The following GREM2 variants were observed in gnomAD, a reference collection of about 807,000 sequenced individuals.
GREM2 encodes the protein gremlin-2.
In GREM2, 11 loss-of-function variants were observed where a neutral mutation model predicts 14.2. That is an observed-to-expected ratio of 0.78 (90% CI 0.49 to 1.28). The LOEUF is 1.28. GREM2 is among the 50% of genes most tolerant of loss of function. GREM2 has a pLI of 0.00. For synonymous variants in GREM2, 98 were observed against 97.6 expected (o/e 1.00, Z -0.02); for missense variants, 210 against 218.5 (o/e 0.96, Z 0.24).
chr1:240,568,320 A>G (rs1679202650), intron 1 of GREM2, among the ~76,000 whole-genome samples: 1 of 152,186 alleles, frequency 6.6e-6, no homozygotes, highest in Non-Finnish European at 1.5e-5. Flanking sequence ...AAAGACTAAA[A>G]CAATAACAAA....
intron 1 of GREM2, among the ~76,000 whole-genome samples, chr1:240,496,507 A>G (rs1357279824): frequency 6.6e-6 from 1 of 152,096 alleles, no homozygotes; most frequent in East Asian, 1.9e-4. Flanking sequence ...CTTCACCACC[A>G]TCGTGGACGT....
At chr1:240,495,131 A>G (rs1232655713) in intron 1 of GREM2, among the ~76,000 whole-genome samples, 2 of 152,234 alleles carry the variant, frequency 1.3e-5, no homozygotes, top group Non-Finnish European at 2.9e-5. Context: ...CACATTTTAA[A>G]TTTTTGTATT....
intron 1 of GREM2, among the ~76,000 whole-genome samples, chr1:240,563,324 T>A (rs138542960): frequency 1.3e-5 from 2 of 152,280 alleles, no homozygotes; most frequent in East Asian, 3.9e-4. Flanking sequence ...TGAAGACTTG[T>A]GACCAGAGAA....
chr1:240,515,251 C>A (rs1409333289), intron 1 of GREM2, among the ~76,000 whole-genome samples: 1 of 152,190 alleles, frequency 6.6e-6, no homozygotes, highest in Non-Finnish European at 1.5e-5. Context: ...ATGATTCCAA[C>A]AAATCCTGTA....
chr1:240,503,942 T>C (rs942217833), intron 1 of GREM2, among the ~76,000 whole-genome samples: 4 of 152,182 alleles, frequency 2.6e-5, no homozygotes, highest in Admixed American at 6.5e-5. Context: ...GTCTAGAGCA[T>C]AGTTTTAAAT....
chr1:240,579,856 T>C (rs1228539224), intron 1 of GREM2, among the ~76,000 whole-genome samples: 1 of 152,178 alleles, frequency 6.6e-6, no homozygotes, highest in African/African-American at 2.4e-5. Context: ...AATTAAAAGA[T>C]GGAAGACATG....
chr1:240,603,082 C>CA (rs535337439), intron 1 of GREM2, among the ~76,000 whole-genome samples: 1,672 of 150,096 alleles, frequency 0.011, 22 homozygotes, highest in African/African-American at 0.038. Context: ...AGACTCGTCT[C>CA]AAAAAAAAAT....
intron 1 of GREM2, among the ~76,000 whole-genome samples, chr1:240,510,369 CAAAAAAAAAAAAAAAA>C (rs71170753): frequency 3.4e-5 from 2 of 59,554 alleles, no homozygotes; most frequent in Admixed American, 2.9e-4. Flanking sequence ...GACTCCGTCG[CAAAAAAAAAAAAAAAA>C]AAAAAAAAAA....
At chr1:240,600,142 C>T (rs12031741) in intron 1 of GREM2, among the ~76,000 whole-genome samples, 23,540 of 152,030 alleles carry the variant, frequency 0.15, 2,243 homozygotes, top group East Asian at 0.42. Context: ...AACCTGGGTT[C>T]GAGTGCTAAT....
rs1553273915 is a variant in GREM2 at position 240,522,138 on chromosome 1, A to AAC, written c.-1-28663_-1-28662insGT. ...CTGTCTCCAAAAAAAAAAAAAAACA[A>AAC]AAACAAACAAACAAAAAAAACTAAG... On this transcript the variant is annotated intron_variant, in intron 1 of 1. Transcript: ENST00000318160. Among the ~76,000 whole-genome samples, 310 of 150,868 alleles carry AAC rather than the reference A, an allele frequency of 2.1e-3. 1 individual carries two copies. The highest frequency in any genetic ancestry group is 7.3e-3 in the African/African-American group (299 of 40,916).
chr1:240,530,740 T>C (rs1212481876), intron 1 of GREM2: 2 of 152,246 alleles, frequency 1.3e-5, no homozygotes, highest in Non-Finnish European at 2.9e-5. Context: ...TGAGATTCTT[T>C]CTATGCTAGC....
intron 1 of GREM2, among the ~76,000 whole-genome samples, chr1:240,507,082 AG>A (rs1400686329): frequency 2.0e-5 from 3 of 152,348 alleles, no homozygotes; most frequent in African/African-American, 7.2e-5. Flanking sequence ...TGGGCAGGGC[AG>A]GGAGTTTCTA....
chr1:240,521,857 A>T (rs1453427871), intron 1 of GREM2, among the ~76,000 whole-genome samples: 1 of 152,126 alleles, frequency 6.6e-6, no homozygotes, highest in Admixed American at 6.5e-5. Flanking sequence ...CATGCCTATC[A>T]TCCCAGCACT....
intron 1 of GREM2, among the ~76,000 whole-genome samples, chr1:240,547,689 CT>C (rs1444475804): frequency 1.3e-5 from 2 of 151,698 alleles, no homozygotes; most frequent in Non-Finnish European, 2.9e-5. Flanking sequence ...AAATGAAAAG[CT>C]TCTTAGCACA....
rs904222941 is a variant in GREM2, at chr1:240,493,293, C to G, written c.183G>C (p.Val61=). 1.2e-6 allele frequency: 2 copies of G among 1,614,006 alleles called. No individual in the cohort carries two copies. The highest frequency in any genetic ancestry group is 1.7e-6 in the Non-Finnish European group (2 of 1,179,958). ...EVLASSQEAL[V]VTERKYLKSD... ...TCTTGAGGTACTTGCGCTCGGTGACCACCAGGGCCTCCTGGCTGGAGGCCA... is the reference window on the plus strand; with the variant it reads ...TCTTGAGGTACTTGCGCTCGGTGACGACCAGGGCCTCCTGGCTGGAGGCCA... Residue 61 remains valine (V), a synonymous_variant, in exon 2 of 2, where the codon GTG becomes GTC. Transcript: ENST00000318160.
chr1:240,611,454 C>A (rs1337962556), intron 1 of GREM2, among the ~76,000 whole-genome samples: 3 of 152,138 alleles, frequency 2.0e-5, no homozygotes, highest in Admixed American at 2.0e-4. Context: ...GCTGTGGTTC[C>A]TATTCCTGTA....
chr1:240,555,687 A>C (rs1290543726), intron 1 of GREM2, among the ~76,000 whole-genome samples: 1 of 152,242 alleles, frequency 6.6e-6, no homozygotes, highest in Non-Finnish European at 1.5e-5. Flanking sequence ...AGTTAAGAGA[A>C]ATTTATCAGA....
In GREM2 at chr1:240,490,006, G is replaced by A. The variant is rs1677211182; in HGVS notation, c.*2963C>T. On this transcript the variant is annotated 3_prime_UTR_variant, in exon 2 of 2. Coordinates refer to ENST00000318160, the MANE Select transcript of GREM2 (RefSeq NM_022469.4). ...ATTGATTACGGAGTTTTCTTAAATG[G>A]CAGATTAAGTCAATTAATAGAAAAA... is the stretch of plus-strand genomic sequence containing the variant. 1 of 152,148 alleles carries A rather than the reference G, an allele frequency of 6.6e-6. No individual in the cohort carries two copies. The highest frequency in any genetic ancestry group is 2.1e-4 in the South Asian group (1 of 4,834). The allele number at this position is 152,148 out of a possible 1,614,324, so 9.4% of individuals were successfully genotyped here. A position where few individuals can be genotyped will look rare whatever the true frequency, so the allele number is the denominator to read the frequency against.
At chr1:240,600,184 A>T (rs1679895225) in intron 1 of GREM2, among the ~76,000 whole-genome samples, 1 of 151,272 alleles carries the variant, frequency 6.6e-6, no homozygotes, top group African/African-American at 2.4e-5. Flanking sequence ...GTCTTAAAAC[A>T]CACAACTTTT....
Sources: gnomAD v4.1 joint callset for allele counts (sites outside exome capture counted in the v4.1 genomes callset) on GRCh38, gnomAD v4.1.1 for gene constraint, MANE v1.5 for transcripts, NCBI Gene and HGNC (gene_info 2026-07-23, HGNC 2026-07-21) for gene names.